CYP2C19: variants seen among roughly 807,000 people sequenced by gnomAD.
The protein encoded by CYP2C19 is cytochrome P450 family 2 subfamily C member 19.
Under a neutral mutation model 40.9 loss-of-function variants are expected in CYP2C19, and 59 were observed. The ratio of observed to expected loss-of-function variants is 1.44; its 90% CI spans 1.17 to 1.79. CYP2C19 has a LOEUF of 1.79. CYP2C19 is among the 40% of genes most tolerant of loss of function. CYP2C19 has a pLI of 0.00. For missense variants in CYP2C19, 754 were observed against 596.9 expected (o/e 1.26, Z -2.74); for synonymous variants, 253 against 208.7 (o/e 1.21, Z -1.83).
intron 1 of CYP2C19, among the ~76,000 whole-genome samples, chr10:94,765,470 C>T (rs1029559181): frequency 2.6e-5 from 4 of 152,144 alleles, no homozygotes; most frequent in African/African-American, 9.7e-5. Flanking sequence ...TTTTCCCATA[C>T]TCCTAGAGTA....
chr10:94,853,045 A>G lies in CYP2C19; in HGVS notation c.*131A>G. On this transcript the variant is annotated 3_prime_UTR_variant, in exon 9 of 9. Coordinates refer to ENST00000371321, the MANE Select transcript of CYP2C19 (RefSeq NM_000769.4). Reference sequence around the variant, plus strand: ...TTTCCCTTCCCCCAAGATCTAGTGAACATTCAGCCTCCATTAAAAAAGTTT... The same window carrying G: ...TTTCCCTTCCCCCAAGATCTAGTGAGCATTCAGCCTCCATTAAAAAAGTTT... The G allele has an allele frequency of 1.0e-6, 1 of 961,690 alleles. No homozygotes were observed. The highest frequency in any genetic ancestry group is 1.5e-6 in the Non-Finnish European group (1 of 648,186). The allele number at this position is 961,690 out of a possible 1,614,324, so 59.6% of individuals were successfully genotyped here. A position where few individuals can be genotyped will look rare whatever the true frequency, so the allele number is the denominator to read the frequency against.
chr10:94,828,123 A>C (rs979152801), intron 6 of CYP2C19, among the ~76,000 whole-genome samples: 3 of 152,062 alleles, frequency 2.0e-5, no homozygotes, highest in African/African-American at 7.2e-5. Context: ...TGTGGTGCTG[A>C]AAAAATGTAT....
At chr10:94,814,389 C>A (rs1413620133) in intron 5 of CYP2C19, among the ~76,000 whole-genome samples, 1 of 151,944 alleles carries the variant, frequency 6.6e-6, no homozygotes, top group Non-Finnish European at 1.5e-5. Context: ...TGTTGTGTCC[C>A]TGAATTTATG....
Position 94,762,814 on chromosome 10 carries a change from C to T in CYP2C19, c.109C>T (p.Pro37Ser). ...GKLPPGPTPL[P>S]VIGNILQIDI... ...ACTCCCTCCTGGCCCCACTCCTCTC[C>T]CAGTGATTGGAAATATCCTACAGAT... The change falls in exon 1 of 9, where the codon CCA (proline) becomes TCA (serine). Residue 37 changes from proline to serine, a missense_variant. Coordinates refer to ENST00000371321, the MANE Select transcript of CYP2C19 (RefSeq NM_000769.4). 1 of 1,613,786 alleles carries T rather than the reference C, an allele frequency of 6.2e-7. No individual in the cohort carries two copies. Among genetic ancestry groups the T allele is most frequent in the Non-Finnish European group, 8.5e-7 (1 of 1,179,806 alleles).
At chr10:94,805,708 AC>A (rs1055379407) in intron 5 of CYP2C19, among the ~76,000 whole-genome samples, 7 of 152,088 alleles carry the variant, frequency 4.6e-5, no homozygotes. Context: ...ACATGGTGAA[AC>A]CCTGTCTCTA....
chr10:94,784,028 C>T (rs1479178005), intron 5 of CYP2C19, among the ~76,000 whole-genome samples: 4 of 152,118 alleles, frequency 2.6e-5, no homozygotes, highest in South Asian at 4.1e-4. Context: ...TTTATCACGC[C>T]ACAAAAACGT....
chr10:94,763,926 T>G (rs923057722), intron 1 of CYP2C19, among the ~76,000 whole-genome samples: 1 of 152,090 alleles, frequency 6.6e-6, no homozygotes, highest in Non-Finnish European at 1.5e-5. Context: ...GTTTCTTCCT[T>G]CTGCTGGGTT....
Position 94,781,822 on chromosome 10 carries a change from T to C in CYP2C19, c.644T>C (p.Ile215Thr). 6 of 1,412,146 alleles carry C rather than the reference T, an allele frequency of 4.2e-6. No homozygotes were observed. Among genetic ancestry groups the C allele is most frequent in the Non-Finnish European group, 5.6e-6 (6 of 1,069,720 alleles). 87.5% of individuals were successfully genotyped at this position (1,412,146 alleles called of 1,614,324 possible). A position where few individuals can be genotyped will look rare whatever the true frequency, so the allele number is the denominator to read the frequency against. ...IRIVSTPWIQ[I>T]CNNFPTIIDY... Reference sequence around the variant, plus strand: ...TAATAAATTATTGTTTTCTCTTAGATATGCAATAATTTTCCCACTATCATT... The same window carrying C: ...TAATAAATTATTGTTTTCTCTTAGACATGCAATAATTTTCCCACTATCATT... The change falls in exon 5 of 9, where the codon ATA becomes ACA. Residue 215 changes from isoleucine (I) to threonine (T), a missense_variant and splice_region_variant. Coordinates refer to ENST00000371321, the MANE Select transcript of CYP2C19 (RefSeq NM_000769.4).
chr10:94,789,347 A>C (rs999110226), intron 5 of CYP2C19, among the ~76,000 whole-genome samples: 3 of 151,968 alleles, frequency 2.0e-5, no homozygotes, highest in Non-Finnish European at 4.4e-5. Context: ...TCTTTAGTTT[A>C]ATGAGATCTC....
intron 5 of CYP2C19, among the ~76,000 whole-genome samples, chr10:94,793,538 G>T (rs1848640105): frequency 6.6e-6 from 1 of 152,024 alleles, no homozygotes; most frequent in Non-Finnish European, 1.5e-5. Flanking sequence ...ATGGTGTTTT[G>T]GTCTGGGTTT....
At chr10:94,850,523 G>C (rs1361636793) in intron 8 of CYP2C19, among the ~76,000 whole-genome samples, 1 of 152,158 alleles carries the variant, frequency 6.6e-6, no homozygotes, top group Non-Finnish European at 1.5e-5. Flanking sequence ...TTGGAAAGCA[G>C]AGTAAACAGA....
At chr10:94,849,638 C>A (rs1286439847) in intron 7 of CYP2C19, among the ~76,000 whole-genome samples, 1 of 123,248 alleles carries the variant, frequency 8.1e-6, no homozygotes, top group South Asian at 3.3e-4. Context: ...CCCCTCCCCC[C>A]ACCCCACAAC....
chr10:94,797,947 G>A (rs539992248), intron 5 of CYP2C19, among the ~76,000 whole-genome samples: 101 of 151,956 alleles, frequency 6.6e-4, no homozygotes, highest in Non-Finnish European at 1.3e-3. Context: ...ATCAGCTCCT[G>A]GATTCATTGA....
At chr10:94,815,934 A>G (rs1315356090) in intron 5 of CYP2C19, among the ~76,000 whole-genome samples, 4 of 152,226 alleles carry the variant, frequency 2.6e-5, no homozygotes, top group Admixed American at 2.0e-4. Flanking sequence ...ATAGTATCTA[A>G]TGATATGGCC....
intron 3 of CYP2C19, among the ~76,000 whole-genome samples, chr10:94,779,982 T>C (rs1409213782): frequency 6.6e-6 from 1 of 152,234 alleles, no homozygotes; most frequent in African/African-American, 2.4e-5. Context: ...GTATTTGTTC[T>C]CATAAAACAC....
At chr10:94,810,344 C>CT (rs906897920) in intron 5 of CYP2C19, among the ~76,000 whole-genome samples, 27 of 151,224 alleles carry the variant, frequency 1.8e-4, no homozygotes, top group Non-Finnish European at 1.0e-4. Context: ...CTGAAATTTT[C>CT]TTTTTTTTTG....
At chr10:94,825,934 T>A (rs1472624064) in intron 6 of CYP2C19, among the ~76,000 whole-genome samples, 1 of 151,706 alleles carries the variant, frequency 6.6e-6, no homozygotes, top group Admixed American at 6.6e-5. Context: ...CCATTGCTTG[T>A]TTTTCTCAGG....
At chr10:94,820,678 A>T in intron 6 of CYP2C19, 41 bp downstream of exon 6, 1 of 1,613,266 alleles carries the variant, frequency 6.2e-7, no homozygotes, top group Non-Finnish European at 8.5e-7. Flanking sequence ...TTTAGGAAAG[A>T]TGTTGGGAAG....
intron 6 of CYP2C19, among the ~76,000 whole-genome samples, chr10:94,837,299 G>T (rs558773652): frequency 6.6e-6 from 1 of 152,276 alleles, no homozygotes; most frequent in African/African-American, 2.4e-5. Context: ...AGTCCTTGTT[G>T]GGCCTTGGGT....
Sources: allele counts gnomAD v4.1 joint callset (sites outside exome capture counted in the v4.1 genomes callset), GRCh38; gene constraint gnomAD v4.1.1; transcripts MANE v1.5; gene names NCBI Gene and HGNC (gene_info 2026-07-23, HGNC 2026-07-21).